Variants in DNAJC5B observed in about 807,000 individuals in gnomAD.
DNAJC5B encodes the protein dnaJ homolog subfamily C member 5B.
A neutral mutation model predicts 24.7 loss-of-function variants in DNAJC5B; 23 were observed. The ratio of observed to expected loss-of-function variants is 0.93; its 90% CI spans 0.67 to 1.32. DNAJC5B has a LOEUF of 1.32. Ranked by LOEUF, DNAJC5B falls within the 40% of genes most tolerant of loss-of-function variation. The pLI, the probability that DNAJC5B is intolerant of heterozygous loss-of-function variation, is 0.00. For synonymous variants in DNAJC5B, 101 were observed against 90.1 expected, an observed-to-expected ratio of 1.12 and a Z score of -0.68; for missense variants, 238 against 240.8, an observed-to-expected ratio of 0.99 and a Z score of 0.08.
chr8:66,062,135 C>G (rs1401285293), intron 3 of DNAJC5B, among the ~76,000 whole-genome samples: 1 of 152,246 alleles, frequency 6.6e-6, no homozygotes, highest in Non-Finnish European at 1.5e-5. Flanking sequence ...ACTTTCAGCC[C>G]TAGCACCATG....
upstream of DNAJC5B, among the ~76,000 whole-genome samples, chr8:66,020,645 TGTGTGTG>T (rs1806092199): frequency 7.8e-6 from 1 of 128,422 alleles, no homozygotes; most frequent in Non-Finnish European, 1.6e-5. Flanking sequence ...TGTGTGTGTG[TGTGTGTG>T]TTTTAGACAA....
At chr8:66,047,186 A>G (rs1806739902) in intron 2 of DNAJC5B, among the ~76,000 whole-genome samples, 1 of 152,232 alleles carries the variant, frequency 6.6e-6, no homozygotes, top group South Asian at 2.1e-4. Flanking sequence ...TTTAACAATG[A>G]GGGCCAAAAT....
chr8:66,074,686 T>C (rs1807423440), intron 3 of DNAJC5B, among the ~76,000 whole-genome samples: 1 of 152,230 alleles, frequency 6.6e-6, no homozygotes, highest in African/African-American at 2.4e-5. Flanking sequence ...AAGCACTTCC[T>C]TAAACTCTAC....
intron 5 of DNAJC5B, among the ~76,000 whole-genome samples, chr8:66,097,061 T>C (rs928896561): frequency 2.0e-5 from 3 of 152,100 alleles, no homozygotes; most frequent in Non-Finnish European, 4.4e-5. Context: ...CATAGCATTA[T>C]TATAACTATT....
chr8:66,029,770 C>A (rs560415818), intron 1 of DNAJC5B, among the ~76,000 whole-genome samples: 11 of 152,016 alleles, frequency 7.2e-5, no homozygotes, highest in Non-Finnish European at 1.6e-4. Context: ...CTGGCATGGC[C>A]CAGAAATGAA....
At chr8:66,068,036 T>C (rs1052800409) in intron 3 of DNAJC5B, among the ~76,000 whole-genome samples, 9 of 152,238 alleles carry the variant, frequency 5.9e-5, no homozygotes, top group African/African-American at 2.2e-4. Context: ...ATCTTTAATA[T>C]TGGATTAAGA....
At position 66,076,835 on chromosome 8, in the gene DNAJC5B, G is replaced by C; in HGVS notation, c.295G>C (p.Val99Leu). ...GGCCGAGCAGTTTGGAGACGAAAACGTTAACACCTACTTCATGCTGTCGAG... is the reference window on the plus strand; with the variant it reads ...GGCCGAGCAGTTTGGAGACGAAAACCTTAACACCTACTTCATGCTGTCGAG... ...YVAEQFGDEN[V>L]NTYFMLSSWW... The change falls in exon 4 of 6, where the codon GTT becomes CTT. Residue 99 changes from valine (V) to leucine (L), a missense_variant. Coordinates refer to ENST00000276570, the MANE Select transcript of DNAJC5B (RefSeq NM_033105.6). 6.2e-7 allele frequency: 1 copy of C among 1,614,136 alleles called. No individual in the cohort carries two copies. Among genetic ancestry groups the C allele is most frequent in the Non-Finnish European group, 8.5e-7 (1 of 1,180,012 alleles).
chr8:66,047,599 T>C (rs898483815), intron 2 of DNAJC5B, among the ~76,000 whole-genome samples: 4 of 152,230 alleles, frequency 2.6e-5, no homozygotes, highest in Non-Finnish European at 5.9e-5. Flanking sequence ...TGACACCATA[T>C]ACGAAAGTTG....
At chr8:66,092,641 T>A (rs979334441) in intron 5 of DNAJC5B, among the ~76,000 whole-genome samples, 2 of 152,182 alleles carry the variant, frequency 1.3e-5, no homozygotes, top group African/African-American at 4.8e-5. Flanking sequence ...GACGTAATGA[T>A]CTTAAATCAT....
chr8:66,051,193 C>T (rs544580505), intron 2 of DNAJC5B, among the ~76,000 whole-genome samples: 3 of 152,042 alleles, frequency 2.0e-5, no homozygotes, highest in Non-Finnish European at 4.4e-5. Flanking sequence ...AAGCAAATTC[C>T]AGAAAAAAAT....
At chr8:66,088,152 A>C (rs1186310772) in intron 5 of DNAJC5B, among the ~76,000 whole-genome samples, 2 of 152,146 alleles carry the variant, frequency 1.3e-5, no homozygotes, top group African/African-American at 4.8e-5. Context: ...GGTCTTCTGC[A>C]CACCAGGAGG....
At chr8:66,096,064 T>C (rs1807946527) in intron 5 of DNAJC5B, among the ~76,000 whole-genome samples, 1 of 152,206 alleles carries the variant, frequency 6.6e-6, no homozygotes, top group Non-Finnish European at 1.5e-5. Flanking sequence ...AACAAAGTAC[T>C]ACAAACTGGG....
chr8:66,051,239 G>A (rs1404055514), intron 2 of DNAJC5B, among the ~76,000 whole-genome samples: 1 of 152,168 alleles, frequency 6.6e-6, no homozygotes, highest in Non-Finnish European at 1.5e-5. Flanking sequence ...CCTGGCCTTT[G>A]AGGATTGATT....
intron 3 of DNAJC5B, among the ~76,000 whole-genome samples, chr8:66,059,784 G>A (rs1444298631): frequency 6.6e-6 from 1 of 152,200 alleles, no homozygotes; most frequent in Non-Finnish European, 1.5e-5. Context: ...TTTGCTGTGT[G>A]GGCATGTCCA....
Position 66,076,704 on chromosome 8 carries a change from C to T in DNAJC5B, c.164C>T (p.Pro55Leu), listed in dbSNP as rs1807471156. ...KHHPDKNPDD[P>L]AATEKFKEIN... ...CATCCAGACAAGAATCCAGATGATC[C>T]AGCTGCTACTGAGAAGTTTAAAGAA... The change falls in exon 4 of 6, where the codon CCA becomes CTA. Residue 55 changes from proline to leucine, a missense_variant. By Grantham distance (98) the Pro-to-Leu change is moderately conservative (BLOSUM62 -3). Transcript: ENST00000276570. The T allele has an allele frequency of 1.9e-6, 3 of 1,614,054 alleles. No homozygotes were observed. The highest frequency in any genetic ancestry group is 2.5e-6 in the Non-Finnish European group (3 of 1,179,996).
chr8:66,056,600 A>G (rs1036487330), intron 3 of DNAJC5B: 1 of 152,254 alleles, frequency 6.6e-6, no homozygotes, highest in Non-Finnish European at 1.5e-5. Flanking sequence ...GTAGATTGTT[A>G]TTGGAACCAC....
At chr8:66,032,703 C>T (rs116079601) in intron 1 of DNAJC5B, among the ~76,000 whole-genome samples, 156 of 152,302 alleles carry the variant, frequency 1.0e-3, no homozygotes, top group African/African-American at 3.5e-3. Flanking sequence ...TCAATGATTC[C>T]GCAGGTGCGT....
chr8:66,090,279 G>GTC lies in DNAJC5B; in HGVS notation c.506-9657_506-9656insCT, dbSNP rs1554591379. On this transcript the variant is annotated intron_variant, in intron 5 of 5. Transcript: ENST00000276570. ...TGTGTGTGTGTGTGTGTGTGTGTGT[G>GTC]TGGTAGAGAGAGAGAGAGAGAGAAG... 2.8e-3 allele frequency among the ~76,000 whole-genome samples: 414 copies of GTC among 150,198 alleles called. 4 individuals are homozygous for GTC. The highest frequency in any genetic ancestry group is 4.6e-3 in the Non-Finnish European group (313 of 67,648).
At chr8:66,021,957 A>G (rs1227133813) in intron 1 of DNAJC5B, among the ~76,000 whole-genome samples, 3 of 152,210 alleles carry the variant, frequency 2.0e-5, no homozygotes, top group Non-Finnish European at 4.4e-5. Context: ...GACAGGGTAG[A>G]GTAAACAAAA....
Sources: allele counts gnomAD v4.1 joint callset (sites outside exome capture counted in the v4.1 genomes callset), GRCh38; gene constraint gnomAD v4.1.1; transcripts MANE v1.5; gene names NCBI Gene and HGNC (gene_info 2026-07-23, HGNC 2026-07-21).